Variants in ZNF721 observed in about 807,000 individuals in gnomAD.
ZNF721 encodes zinc finger protein 721.
Under a neutral mutation model 2.4 loss-of-function variants are expected in ZNF721, and 2 were observed. The observed-to-expected ratio is 0.82, with a 90% CI of 0.34 to 2.58. The LOEUF is 2.58. ZNF721 is among the 30% of genes most tolerant of loss of function. The pLI, the probability that ZNF721 is intolerant of heterozygous loss-of-function variation, is 0.11. For missense variants in ZNF721, 1,187 were observed against 1,085.5 expected (o/e 1.09, Z -1.31); for synonymous variants, 398 against 381.8 (o/e 1.04, Z -0.50).
intron 2 of ZNF721, among the ~76,000 whole-genome samples, chr4:458,986 G>A (rs1341083135): frequency 6.6e-6 from 1 of 152,184 alleles, no homozygotes; most frequent in East Asian, 1.9e-4. Flanking sequence ...CCAGAAGAAA[G>A]TGGGGGCCAA....
At chr4:461,991 T>C (rs574975479) in intron 2 of ZNF721, among the ~76,000 whole-genome samples, 4 of 152,336 alleles carry the variant, frequency 2.6e-5, no homozygotes, top group South Asian at 2.1e-4. Context: ...GATGACATGA[T>C]TGTATATTTA....
At chr4:488,004 C>A (rs1413259563) in intron 1 of ZNF721, among the ~76,000 whole-genome samples, 4 of 152,166 alleles carry the variant, frequency 2.6e-5, no homozygotes. Flanking sequence ...CATGGGGTAC[C>A]AATTCGCCTC....
At chr4:484,093 A>G (rs1715835229) in intron 1 of ZNF721, among the ~76,000 whole-genome samples, 2 of 152,256 alleles carry the variant, frequency 1.3e-5, no homozygotes, top group Admixed American at 1.3e-4. Flanking sequence ...TGGATTGTGA[A>G]GATTTTATGG....
intron 2 of ZNF721, among the ~76,000 whole-genome samples, chr4:461,781 G>A (rs577516826): frequency 9.2e-5 from 14 of 152,290 alleles, no homozygotes; most frequent in African/African-American, 3.1e-4. Flanking sequence ...GCTGAGGCAG[G>A]AGAATTGCAT....
At chr4:496,042 C>T (rs375260035) in intron 1 of ZNF721, among the ~76,000 whole-genome samples, 3 of 152,114 alleles carry the variant, frequency 2.0e-5, no homozygotes, top group African/African-American at 7.2e-5. Flanking sequence ...AAAAAGGTGG[C>T]GTTGTTATGT....
At chr4:468,748 T>C (rs1011379824) in intron 2 of ZNF721, among the ~76,000 whole-genome samples, 35 of 152,182 alleles carry the variant, frequency 2.3e-4, no homozygotes, top group African/African-American at 7.0e-4. Flanking sequence ...CAAAAGGAGA[T>C]GTTTACCTGT....
rs1291650795 is a variant in ZNF721, at chr4:486,196, G to A, written c.-94+12860C>T. ...TTTTTTTGAGACGGAGTCTCGCTCT[G>A]TCGCCCAGGCTGCATGCAGTGGCGC... On this transcript the variant is annotated intron_variant, in intron 1 of 2. Transcript: ENST00000511833. Among the ~76,000 whole-genome samples, 5 of 138,546 alleles carry A rather than the reference G, an allele frequency of 3.6e-5. No homozygotes were observed. The East Asian group carries it at 1.1e-3, about 30-fold the overall frequency. The allele number at this position is 138,546 out of a possible 152,430, so 90.9% of individuals were successfully genotyped here.
chr4:497,738 A>C lies in ZNF721; in HGVS notation c.-94+1318T>G, dbSNP rs1405098286. Among the ~76,000 whole-genome samples, 133 of 150,648 alleles carry C rather than the reference A, an allele frequency of 8.8e-4. 2 individuals carry two copies. The highest frequency in any genetic ancestry group is 6.8e-3 in the Middle Eastern group (2 of 292). On this transcript the variant is annotated intron_variant, in intron 1 of 2. Transcript: ENST00000511833. ...CCGTCACTACTAAAAAATACAAAAA[A>C]AAAAAAAAAATTTGACGGGCGTGGC... is the stretch of plus-strand genomic sequence containing the variant.
intron 1 of ZNF721, among the ~76,000 whole-genome samples, chr4:476,887 C>CCA (rs1715635495): frequency 6.6e-6 from 1 of 152,182 alleles, no homozygotes; most frequent in East Asian, 1.9e-4. Context: ...TAGGGAAAGT[C>CCA]CAGAATTAAG....
chr4:443,458 C>T lies in ZNF721; in HGVS notation c.1009G>A (p.Glu337Lys). The part of the protein sequence containing the change: ...HTGEKPYTCG[E>K]CGKTFRQSAN... The stretch of plus-strand genomic sequence containing the variant: ...GACTGTCTAAAGGTTTTGCCACATT[C>T]TCCACATGTGTAGGGTTTCTCTCCA... The change falls in exon 3 of 3, where the codon GAA becomes AAA. Residue 337 changes from glutamate (E) to lysine (K), a missense_variant. By Grantham distance (56) the Glu-to-Lys change is moderately conservative (BLOSUM62 1). Transcript: ENST00000511833. 1.9e-6 allele frequency: 3 copies of T among 1,612,152 alleles called. No individual in the cohort carries two copies. Among genetic ancestry groups the T allele is most frequent in the Non-Finnish European group, 2.5e-6 (3 of 1,178,406 alleles).
chr4:456,987 A>G (rs1444764770), intron 2 of ZNF721, among the ~76,000 whole-genome samples: 1 of 152,190 alleles, frequency 6.6e-6, no homozygotes, highest in South Asian at 2.1e-4. Flanking sequence ...AAAACACTGA[A>G]TATAATATAG....
Position 444,509 on chromosome 4 carries a change from C to T in ZNF721, c.35-77G>A. 3.7e-6 allele frequency: 5 copies of T among 1,360,532 alleles called. No individual in the cohort carries two copies. The South Asian group carries it at 7.4e-5, about 20-fold the overall frequency. The allele number at this position is 1,360,532 out of a possible 1,614,324, so 84.3% of individuals were successfully genotyped here. ...ATACTTTACAAATCATAAGATTATA[C>T]AAAGTACGCTAGTAAGATCACATAA... is the stretch of plus-strand genomic sequence containing the variant. On this transcript the variant is annotated intron_variant, in intron 2 of 2. Transcript: ENST00000511833.
At chr4:473,549 C>T (rs1363159216) in intron 1 of ZNF721, among the ~76,000 whole-genome samples, 5 of 152,166 alleles carry the variant, frequency 3.3e-5, no homozygotes, top group Admixed American at 3.3e-4. Context: ...GCTGGCAGCC[C>T]CCAAGCCACG....
At chr4:496,352 CA>C (rs1553872201) in intron 1 of ZNF721, among the ~76,000 whole-genome samples, 1 of 151,176 alleles carries the variant, frequency 6.6e-6, no homozygotes, top group African/African-American at 2.4e-5. Context: ...GTCAGAGGCT[CA>C]AGGTGCGGGA....
intron 1 of ZNF721, among the ~76,000 whole-genome samples, chr4:487,301 C>A (rs564813343): frequency 4.1e-4 from 62 of 152,264 alleles, no homozygotes; most frequent in African/African-American, 1.3e-3. Context: ...TTTCAGAATT[C>A]TTCCATCTCT....
At chr4:474,145 GC>G (rs1434472726) in intron 1 of ZNF721, 1 of 789,082 alleles carries the variant, frequency 1.3e-6, no homozygotes, top group Non-Finnish European at 1.8e-6. Flanking sequence ...GAAGCAACAG[GC>G]CAAGGCCGCC....
intron 2 of ZNF721, among the ~76,000 whole-genome samples, chr4:449,138 T>G (rs1553864530): frequency 6.6e-6 from 1 of 152,148 alleles, no homozygotes; most frequent in Non-Finnish European, 1.5e-5. Flanking sequence ...AAACATATTC[T>G]AAAGATAGAG....
intron 2 of ZNF721, among the ~76,000 whole-genome samples, chr4:447,810 CAA>C (rs2108691546): frequency 6.7e-6 from 1 of 148,910 alleles, no homozygotes; most frequent in African/African-American, 2.5e-5. Context: ...GGCCATTAAA[CAA>C]TAATAAAAAC....
chr4:452,881 G>A (rs1340192803), intron 2 of ZNF721, among the ~76,000 whole-genome samples: 1 of 152,120 alleles, frequency 6.6e-6, no homozygotes, highest in Admixed American at 6.6e-5. Flanking sequence ...GCACACTCAA[G>A]AAAGCAGCAT....
Sources: gnomAD v4.1 joint callset for allele counts (sites outside exome capture counted in the v4.1 genomes callset) on GRCh38, gnomAD v4.1.1 for gene constraint, MANE v1.5 for transcripts, NCBI Gene and HGNC (gene_info 2026-07-23, HGNC 2026-07-21) for gene names.